RSF1: variants seen among roughly 807,000 people sequenced by gnomAD.
RSF1 encodes the protein HBV pX-associated protein 8.
RSF1 carries 13 observed loss-of-function variants against 145.2 expected under a neutral mutation model. The ratio of observed to expected loss-of-function variants is 0.09; its 90% CI spans 0.06 to 0.14. The LOEUF is 0.14. Among genes scored for constraint, RSF1 ranks in the 10% least tolerant of loss-of-function variants. The pLI, the probability that RSF1 is intolerant of heterozygous loss-of-function variation, is 1.00. For missense variants in RSF1, 1,517 were observed against 1,718.2 expected, an observed-to-expected ratio of 0.88 and a Z score of 2.07; for synonymous variants, 577 against 592.6, an observed-to-expected ratio of 0.97 and a Z score of 0.38.
intron 1 of RSF1, among the ~76,000 whole-genome samples, chr11:77,786,816 C>T (rs2135962201): frequency 6.6e-6 from 1 of 152,128 alleles, no homozygotes; most frequent in South Asian, 2.1e-4. Context: ...AACTAAACGA[C>T]AACAAAAATA....
At chr11:77,673,733 A>T (rs1959618011) in intron 14 of RSF1, among the ~76,000 whole-genome samples, 1 of 152,246 alleles carries the variant, frequency 6.6e-6, no homozygotes, top group East Asian at 1.9e-4. Flanking sequence ...TTACTTATTA[A>T]TTATAAGGAA....
intron 5 of RSF1, among the ~76,000 whole-genome samples, chr11:77,707,558 G>A (rs1312684119): frequency 6.6e-6 from 1 of 152,132 alleles, no homozygotes; most frequent in African/African-American, 2.4e-5. Context: ...ACAATGCAGA[G>A]GCTGAAATGT....
chr11:77,780,243 A>C (rs1948389207), intron 1 of RSF1, among the ~76,000 whole-genome samples: 1 of 152,234 alleles, frequency 6.6e-6, no homozygotes, highest in Non-Finnish European at 1.5e-5. Context: ...ATAAACATCA[A>C]CTTCTAACCC....
the RSF1 span, among the ~76,000 whole-genome samples, chr11:77,836,493 C>G: frequency 6.6e-6 from 1 of 152,142 alleles, no homozygotes; most frequent in East Asian, 1.9e-4. Context: ...CTATTGGCAC[C>G]TTGATCTTGG....
chr11:77,715,938 G>A (rs1488382463), intron 5 of RSF1, among the ~76,000 whole-genome samples: 1 of 152,098 alleles, frequency 6.6e-6, no homozygotes, highest in Non-Finnish European at 1.5e-5. Flanking sequence ...CTTGGCTAGT[G>A]CATTATTATA....
intron 7 of RSF1, among the ~76,000 whole-genome samples, chr11:77,693,852 T>C (rs1960218949): frequency 6.6e-6 from 1 of 152,034 alleles, no homozygotes; most frequent in South Asian, 2.1e-4. Context: ...TGGCACAATT[T>C]TGGTTCACTG....
At chr11:77,714,970 T>A (rs1306079266) in intron 5 of RSF1, among the ~76,000 whole-genome samples, 1 of 152,114 alleles carries the variant, frequency 6.6e-6, no homozygotes, top group Non-Finnish European at 1.5e-5. Flanking sequence ...ACAATTTTTT[T>A]TTAATTAGCT....
At chr11:77,825,204 G>T (rs904710113), upstream of RSF1, among the ~76,000 whole-genome samples, 1 of 151,718 alleles carries the variant, frequency 6.6e-6, no homozygotes, top group African/African-American at 2.4e-5. Context: ...GGATGGTCTC[G>T]ATCTCCTGAC....
At chr11:77,783,440 C>A (rs1948424207) in intron 1 of RSF1, among the ~76,000 whole-genome samples, 1 of 152,174 alleles carries the variant, frequency 6.6e-6, no homozygotes, top group Non-Finnish European at 1.5e-5. Flanking sequence ...ATAACATATT[C>A]TCTGGTTTTA....
chr11:77,768,074 ATAAAAAG>A (rs1176865131), intron 1 of RSF1, among the ~76,000 whole-genome samples: 1 of 152,124 alleles, frequency 6.6e-6, no homozygotes, highest in Non-Finnish European at 1.5e-5. Context: ...GTAAAATATT[ATAAAAAG>A]TAAAAAGAGG....
the RSF1 span, chr11:77,829,608 A>C: frequency 1.3e-5 from 2 of 152,228 alleles, no homozygotes; most frequent in Non-Finnish European, 2.9e-5. Context: ...ATAATTCAGA[A>C]TGTTTCAGAC....
At chr11:77,679,102 G>A (rs1959790948) in intron 11 of RSF1, among the ~76,000 whole-genome samples, 1 of 152,206 alleles carries the variant, frequency 6.6e-6, no homozygotes, top group Non-Finnish European at 1.5e-5. Context: ...AGCAGCTACG[G>A]ACAACATGTA....
chr11:77,842,774 T>A, the RSF1 span: 1 of 1,154,468 alleles, frequency 8.7e-7, no homozygotes, highest in Non-Finnish European at 1.2e-6. Context: ...CCTTTTAAAG[T>A]ATGCAATTCA....
intron 8 of RSF1, 102 bp from the exon 9 acceptor site, chr11:77,691,340 G>C (rs2135838999): frequency 2.2e-6 from 2 of 901,734 alleles, no homozygotes; most frequent in South Asian, 1.4e-5. Flanking sequence ...GAGCTGGTAA[G>C]GGACCACATA....
At chr11:77,722,342 C>T (rs967560200) in intron 5 of RSF1, among the ~76,000 whole-genome samples, 14 of 152,100 alleles carry the variant, frequency 9.2e-5, no homozygotes, top group African/African-American at 2.4e-4. Context: ...AGGTGTATAA[C>T]GGCCTTTGGT....
chr11:77,854,925 A>G, the RSF1 span, among the ~76,000 whole-genome samples: 1 of 152,144 alleles, frequency 6.6e-6, no homozygotes, highest in Non-Finnish European at 1.5e-5. Flanking sequence ...CATCCTCTAA[A>G]AACTAGGCAG....
chr11:77,862,470 G>C, the RSF1 span, among the ~76,000 whole-genome samples: 2 of 152,148 alleles, frequency 1.3e-5, no homozygotes, highest in East Asian at 3.8e-4. Context: ...CTCTGGCTGG[G>C]CCAAATTCTC....
At chr11:77,813,117 GA>G (rs1427790798) in intron 1 of RSF1, among the ~76,000 whole-genome samples, 1 of 151,946 alleles carries the variant, frequency 6.6e-6, no homozygotes, top group African/African-American at 2.4e-5. Flanking sequence ...CACAAATTAT[GA>G]AATAATTTGC....
chr11:77,798,518 T>G (rs1948594551), intron 1 of RSF1, among the ~76,000 whole-genome samples: 1 of 125,182 alleles, frequency 8.0e-6, no homozygotes, highest in Non-Finnish European at 1.6e-5. Context: ...GAGGTGGAGG[T>G]TGCAGTGAGC....
Sources: gnomAD v4.1 joint callset for allele counts (sites outside exome capture counted in the v4.1 genomes callset) on GRCh38, gnomAD v4.1.1 for gene constraint, MANE v1.5 for transcripts, NCBI Gene and HGNC (gene_info 2026-07-23, HGNC 2026-07-21) for gene names.